The following ARHGAP15 variants were observed in gnomAD, a reference collection of about 807,000 sequenced individuals.
ARHGAP15 encodes the protein rho GTPase-activating protein 15.
ARHGAP15 carries 51 observed loss-of-function variants against 63.7 expected under a neutral mutation model. That is an observed-to-expected ratio of 0.80 (90% confidence interval 0.64 to 1.01). The LOEUF is 1.01. Ranked by LOEUF, ARHGAP15 falls within the 50% of genes least tolerant of loss-of-function variation. The pLI, the probability that ARHGAP15 is intolerant of heterozygous loss-of-function variation, is 0.00. For synonymous variants in ARHGAP15, 191 were observed against 193.8 expected, an observed-to-expected ratio of 0.99 and a Z score of 0.12; for missense variants, 560 against 564.6, an observed-to-expected ratio of 0.99 and a Z score of 0.08.
intron 3 of ARHGAP15, among the ~76,000 whole-genome samples, chr2:143,208,238 A>G (rs2105127205): frequency 6.6e-6 from 1 of 152,312 alleles, no homozygotes; most frequent in South Asian, 2.1e-4. Flanking sequence ...TCTACTGAAC[A>G]TTCTCCAGGA....
chr2:143,742,207 G>A (rs1685988917), intron 13 of ARHGAP15, among the ~76,000 whole-genome samples: 1 of 152,214 alleles, frequency 6.6e-6, no homozygotes, highest in Non-Finnish European at 1.5e-5. Flanking sequence ...CACAAGCTAG[G>A]AAGGTAGACA....
chr2:143,656,619 C>T (rs966275123), intron 12 of ARHGAP15, among the ~76,000 whole-genome samples: 1 of 152,186 alleles, frequency 6.6e-6, no homozygotes, highest in African/African-American at 2.4e-5. Flanking sequence ...AAGCAACTCT[C>T]CAGTGGTAGA....
chr2:143,301,124 T>TG (rs1200395416), intron 6 of ARHGAP15, among the ~76,000 whole-genome samples: 1 of 151,942 alleles, frequency 6.6e-6, no homozygotes, highest in African/African-American at 2.4e-5. Flanking sequence ...CAAATATGAA[T>TG]GAGATGTTCC....
At chr2:143,672,201 G>A (rs1517912) in intron 12 of ARHGAP15, among the ~76,000 whole-genome samples, 118,174 of 152,042 alleles carry the variant, frequency 0.78, 47,797 homozygotes, top group East Asian at 0.92. Flanking sequence ...AATATAGAGA[G>A]AGTCATTAAG....
intron 6 of ARHGAP15, among the ~76,000 whole-genome samples, chr2:143,333,248 T>C (rs1053474072): frequency 7.2e-5 from 11 of 152,196 alleles, no homozygotes; most frequent in Non-Finnish European, 1.0e-4. Flanking sequence ...TGAAAGGCTT[T>C]AATGAATACT....
At chr2:143,498,399 G>T (rs1692913618) in intron 9 of ARHGAP15, among the ~76,000 whole-genome samples, 2 of 152,050 alleles carry the variant, frequency 1.3e-5, no homozygotes, top group South Asian at 2.1e-4. Flanking sequence ...AGTCATAATT[G>T]GTGGTCTGTC....
chr2:143,599,697 A>G (rs1697687655), intron 11 of ARHGAP15, among the ~76,000 whole-genome samples: 1 of 152,164 alleles, frequency 6.6e-6, no homozygotes, highest in Non-Finnish European at 1.5e-5. Flanking sequence ...TTAAATATCC[A>G]ATATTTTCAC....
At chr2:143,435,235 G>A (rs1027870148) in intron 6 of ARHGAP15, 35 of 991,780 alleles carry the variant, frequency 3.5e-5, no homozygotes, top group South Asian at 2.3e-4. Flanking sequence ...AGAGGCAAAC[G>A]TGCAGAATGA....
At chr2:143,284,757 C>T (rs1682013500) in intron 6 of ARHGAP15, among the ~76,000 whole-genome samples, 1 of 152,142 alleles carries the variant, frequency 6.6e-6, no homozygotes, top group Non-Finnish European at 1.5e-5. Flanking sequence ...AAAAATCAAA[C>T]ATCCAGAAAC....
Position 143,623,897 on chromosome 2 carries a change from T to C in ARHGAP15, c.1004-236T>C, listed in dbSNP as rs373022208. ...ATCTGACATACTGTGTCAATGGCAC[T>C]GTCTCTTTGTGTCTCTTGTTTTTTT... is the stretch of plus-strand genomic sequence containing the variant. On this transcript the variant is annotated intron_variant, in intron 11 of 13. Transcript: ENST00000295095. Among the ~76,000 whole-genome samples the C allele has an allele frequency of 1.5e-4, 23 of 152,364 alleles. No homozygotes were observed. In the East Asian group the frequency reaches 3.5e-3, roughly 23 times the overall value.
intron 6 of ARHGAP15, among the ~76,000 whole-genome samples, chr2:143,337,468 T>A (rs17229397): frequency 0.13 from 19,386 of 152,204 alleles, 1,592 homozygotes; most frequent in Non-Finnish European, 0.16. Flanking sequence ...CGTTCTGGAT[T>A]CAGGGATTTT....
At chr2:143,516,284 TAA>T (rs768389478) in intron 9 of ARHGAP15, among the ~76,000 whole-genome samples, 4 of 152,182 alleles carry the variant, frequency 2.6e-5, no homozygotes, top group East Asian at 3.9e-4. Flanking sequence ...ACTAAATGAA[TAA>T]AAGAGTAAAT....
At chr2:143,170,956 C>T (rs971181938) in intron 2 of ARHGAP15, among the ~76,000 whole-genome samples, 1 of 152,072 alleles carries the variant, frequency 6.6e-6, no homozygotes, top group Non-Finnish European at 1.5e-5. Flanking sequence ...TAATTTTTTT[C>T]AACCTAAGGT....
chr2:143,531,110 G>A (rs530754630), intron 10 of ARHGAP15, among the ~76,000 whole-genome samples: 156 of 146,906 alleles, frequency 1.1e-3, no homozygotes, highest in Non-Finnish European at 2.0e-3. Flanking sequence ...TTGATGCTGT[G>A]TGTGTATGTG....
At chr2:143,197,493 T>C (rs928777677) in intron 2 of ARHGAP15, among the ~76,000 whole-genome samples, 1 of 152,002 alleles carries the variant, frequency 6.6e-6, no homozygotes, top group Non-Finnish European at 1.5e-5. Flanking sequence ...ACCCAAGTTT[T>C]CTTTATAATT....
At chr2:143,682,505 T>A (rs1683148651) in intron 12 of ARHGAP15, among the ~76,000 whole-genome samples, 1 of 152,174 alleles carries the variant, frequency 6.6e-6, no homozygotes, top group Non-Finnish European at 1.5e-5. Context: ...CACATATGTA[T>A]GTGTGTGCAT....
intron 5 of ARHGAP15, among the ~76,000 whole-genome samples, chr2:143,241,444 A>C (rs1693857079): frequency 6.6e-6 from 1 of 152,184 alleles, no homozygotes; most frequent in African/African-American, 2.4e-5. Context: ...TCTTAATTGT[A>C]TTTATCGTTG....
At chr2:143,422,593 A>G (rs1688969995) in intron 6 of ARHGAP15, among the ~76,000 whole-genome samples, 1 of 152,164 alleles carries the variant, frequency 6.6e-6, no homozygotes, top group East Asian at 1.9e-4. Flanking sequence ...AGACCATTGG[A>G]TGATTGCTGA....
At chr2:143,310,662 TA>T (rs1463067331) in intron 6 of ARHGAP15, among the ~76,000 whole-genome samples, 1 of 152,044 alleles carries the variant, frequency 6.6e-6, no homozygotes, top group Non-Finnish European at 1.5e-5. Flanking sequence ...GTTATTTATA[TA>T]AAAAGTGTAG....
Sources: gnomAD v4.1 joint callset for allele counts (sites outside exome capture counted in the v4.1 genomes callset) on GRCh38, gnomAD v4.1.1 for gene constraint, MANE v1.5 for transcripts, NCBI Gene and HGNC (gene_info 2026-07-23, HGNC 2026-07-21) for gene names.